The following GRM1 variants were observed in gnomAD, a reference collection of about 807,000 sequenced individuals.
GRM1 encodes metabotropic glutamate receptor 1.
A neutral mutation model predicts 90.9 loss-of-function variants in GRM1; 33 were observed. The observed-to-expected ratio is 0.36, with a 90% CI of 0.28 to 0.49. The LOEUF (loss-of-function observed/expected upper bound fraction) is 0.49, where lower values mean the gene tolerates loss of function less well. GRM1 is among the 20% of genes least tolerant of loss of function. The probability of loss-of-function intolerance (pLI) is 0.99; values close to 1 mark genes in which losing one functional copy is unlikely to be tolerated. For missense variants in GRM1, 1,190 were observed against 1,534.3 expected (o/e 0.78, Z 3.75); for synonymous variants, 700 against 613.2 (o/e 1.14, Z -2.09).
intron 2 of GRM1, among the ~76,000 whole-genome samples, chr6:146,277,398 G>A (rs909880980): frequency 1.4e-4 from 21 of 152,212 alleles, no homozygotes; most frequent in African/African-American, 4.6e-4. Flanking sequence ...ACCCAGCACC[G>A]GTTAGATCAA....
intron 5 of GRM1, among the ~76,000 whole-genome samples, chr6:146,361,601 T>C (rs995715385): frequency 6.6e-6 from 1 of 152,190 alleles, no homozygotes; most frequent in Non-Finnish European, 1.5e-5. Flanking sequence ...GCAAGTACAA[T>C]AGATGATTTA....
intron 5 of GRM1, among the ~76,000 whole-genome samples, chr6:146,377,435 A>G (rs903957948): frequency 6.6e-6 from 1 of 152,148 alleles, no homozygotes; most frequent in South Asian, 2.1e-4. Context: ...CACTTTTGCT[A>G]TACAAAGAGA....
intron 1 of GRM1, among the ~76,000 whole-genome samples, chr6:146,043,782 G>GAGATATAT (rs771296715): frequency 3.2e-4 from 29 of 89,984 alleles, no homozygotes; most frequent in East Asian, 1.9e-3. Flanking sequence ...AGAGTCAGGT[G>GAGATATAT]ATATATATAT....
chr6:146,149,316 A>T (rs1274538021), intron 1 of GRM1, among the ~76,000 whole-genome samples: 2 of 152,184 alleles, frequency 1.3e-5, no homozygotes, highest in African/African-American at 4.8e-5. Context: ...CCATGAGTGG[A>T]CAGTGAAGCA....
chr6:146,063,293 TAACAG>T (rs1775734696), intron 1 of GRM1, among the ~76,000 whole-genome samples: 4 of 152,246 alleles, frequency 2.6e-5, no homozygotes, highest in Non-Finnish European at 1.5e-5. Context: ...TGAAATGGGT[TAACAG>T]AACTGTGATT....
In GRM1 at chr6:146,208,272, T is replaced by C. The variant is rs115989412; in HGVS notation, c.950+48675T>C. On this transcript the variant is annotated intron_variant, in intron 2 of 7. Transcript: ENST00000282753. ...AGAAGGCTAATGGCATAACATGCTT[T>C]CAAACTGATAATTCTTACATATCTT... Among the ~76,000 whole-genome samples the C allele has an allele frequency of 6.0e-3, 913 of 152,328 alleles. 8 individuals are homozygous for C. Among genetic ancestry groups the C allele is most frequent in the African/African-American group, 0.021 (858 of 41,578 alleles).
chr6:146,045,101 C>T (rs931922749), intron 1 of GRM1, among the ~76,000 whole-genome samples: 1 of 151,858 alleles, frequency 6.6e-6, no homozygotes, highest in African/African-American at 2.4e-5. Context: ...TAGATGCTTT[C>T]CCATACATTT....
At chr6:146,216,932 A>G (rs1779891786) in intron 2 of GRM1, among the ~76,000 whole-genome samples, 1 of 152,200 alleles carries the variant, frequency 6.6e-6, no homozygotes, top group Non-Finnish European at 1.5e-5. Context: ...ATTCTATAGC[A>G]TTGAAAAGCT....
chr6:146,414,019 C>A (rs1777667653), intron 7 of GRM1, among the ~76,000 whole-genome samples: 1 of 152,148 alleles, frequency 6.6e-6, no homozygotes, highest in African/African-American at 2.4e-5. Context: ...AACATACATA[C>A]ACAAGATTTT....
chr6:146,356,165 A>G (rs1785575158), intron 4 of GRM1, among the ~76,000 whole-genome samples: 1 of 152,214 alleles, frequency 6.6e-6, no homozygotes, highest in African/African-American at 2.4e-5. Context: ...GAAAATAACC[A>G]GAGTATTTTA....
At chr6:146,084,086 T>G (rs1209507132) in intron 1 of GRM1, among the ~76,000 whole-genome samples, 1 of 152,184 alleles carries the variant, frequency 6.6e-6, no homozygotes, top group Non-Finnish European at 1.5e-5. Context: ...GATATCCCCT[T>G]TTTCATTTTT....
chr6:146,086,043 G>T (rs1339845249), intron 1 of GRM1, among the ~76,000 whole-genome samples: 2 of 152,128 alleles, frequency 1.3e-5, no homozygotes, highest in Non-Finnish European at 2.9e-5. Context: ...GGGTATATGA[G>T]TGGAATAGAG....
chr6:146,358,596 CGCT>C, intron 5 of GRM1, among the ~76,000 whole-genome samples: 1 of 151,932 alleles, frequency 6.6e-6, no homozygotes, highest in South Asian at 2.1e-4. Context: ...GCTGACATGC[CGCT>C]GTACCATTCT....
chr6:146,423,219 G>A (rs1455278997), intron 7 of GRM1, among the ~76,000 whole-genome samples: 1 of 152,206 alleles, frequency 6.6e-6, no homozygotes, highest in Non-Finnish European at 1.5e-5. Context: ...TGCTGAATCT[G>A]TGGTTGGTTG....
intron 7 of GRM1, among the ~76,000 whole-genome samples, chr6:146,406,083 C>T (rs893576546): frequency 4.6e-5 from 7 of 152,106 alleles, no homozygotes; most frequent in African/African-American, 1.7e-4. Context: ...TAGAGGAGAA[C>T]TTTAAGCTTC....
chr6:146,420,663 T>C (rs937364265), intron 7 of GRM1, among the ~76,000 whole-genome samples: 9 of 152,106 alleles, frequency 5.9e-5, no homozygotes, highest in South Asian at 2.1e-4. Flanking sequence ...AAACAGACAA[T>C]AGAAGCAGAC....
chr6:146,113,842 T>C (rs1202325208), intron 1 of GRM1, among the ~76,000 whole-genome samples: 1 of 152,194 alleles, frequency 6.6e-6, no homozygotes, highest in Non-Finnish European at 1.5e-5. Flanking sequence ...CTCAGAAGAA[T>C]GGGGGTGAGT....
intron 6 of GRM1, among the ~76,000 whole-genome samples, chr6:146,397,211 G>A (rs938061035): frequency 6.6e-6 from 1 of 151,978 alleles, no homozygotes; most frequent in Non-Finnish European, 1.5e-5. Context: ...GGCTGGGTGT[G>A]GTGGCTCATG....
intron 2 of GRM1, among the ~76,000 whole-genome samples, chr6:146,160,531 T>C (rs1275147765): frequency 2.0e-5 from 3 of 152,216 alleles, no homozygotes; most frequent in Admixed American, 1.3e-4. Context: ...ACACTCATCT[T>C]CCGAAGCTCT....
Sources: gnomAD v4.1 joint callset for allele counts (sites outside exome capture counted in the v4.1 genomes callset) on GRCh38, gnomAD v4.1.1 for gene constraint, MANE v1.5 for transcripts, NCBI Gene and HGNC (gene_info 2026-07-23, HGNC 2026-07-21) for gene names.